The following MDFIC2 variants were observed in gnomAD, a reference collection of about 807,000 sequenced individuals.
MDFIC2 encodes myoD family inhibitor domain-containing protein 2.
chr3:70,215,994 T>TG (rs1701406156), intron 2 of MDFIC2, among the ~76,000 whole-genome samples: 2 of 152,000 alleles, frequency 1.3e-5, no homozygotes, highest in Admixed American at 1.3e-4. Context: ...GAATGCAACA[T>TG]TTGCATTGAT....
At chr3:70,199,181 A>G (rs576477182) in intron 3 of MDFIC2, among the ~76,000 whole-genome samples, 14 of 152,262 alleles carry the variant, frequency 9.2e-5, no homozygotes, top group Admixed American at 2.0e-4. Flanking sequence ...GGAGTTAAGT[A>G]GGGTGGGAAT....
intron 2 of MDFIC2, among the ~76,000 whole-genome samples, chr3:70,286,047 A>C (rs1702159663): frequency 6.6e-6 from 1 of 151,984 alleles, no homozygotes; most frequent in African/African-American, 2.4e-5. Context: ...TGCTGTGCAG[A>C]AGCTCTTTAG....
chr3:70,200,334 C>T (rs1277918859), intron 3 of MDFIC2, among the ~76,000 whole-genome samples: 1 of 152,180 alleles, frequency 6.6e-6, no homozygotes, highest in African/African-American at 2.4e-5. Flanking sequence ...TTGCCTTAGC[C>T]TACAAGCCCT....
At chr3:70,201,091 T>C (rs976758088) in intron 3 of MDFIC2, among the ~76,000 whole-genome samples, 1 of 152,164 alleles carries the variant, frequency 6.6e-6, no homozygotes, top group African/African-American at 2.4e-5. Flanking sequence ...TGTGCTGGTT[T>C]GCTACATAGG....
rs565613023 is a variant in MDFIC2 at position 70,263,276 on chromosome 3, G to A, written c.88+48610C>T. ...GGTATTATAAATTTTATGTTATCGA[G>A]TGCTGGTTTTTAAAAAAATATTCTT... is the stretch of plus-strand genomic sequence containing the variant. On this transcript the variant is annotated intron_variant, in intron 2 of 3. Transcript: ENST00000567252. Among the ~76,000 whole-genome samples the A allele has an allele frequency of 2.0e-5, 3 of 151,838 alleles. No individual in the cohort carries two copies. In the South Asian group the frequency reaches 6.2e-4, roughly 32 times the overall value.
At chr3:70,217,025 C>T (rs1449461412) in intron 2 of MDFIC2, among the ~76,000 whole-genome samples, 1 of 152,144 alleles carries the variant, frequency 6.6e-6, no homozygotes, top group Non-Finnish European at 1.5e-5. Flanking sequence ...ATTGCTATCA[C>T]ATCACTCTTT....
chr3:70,250,938 A>G (rs1384434543), intron 2 of MDFIC2, among the ~76,000 whole-genome samples: 4 of 152,244 alleles, frequency 2.6e-5, no homozygotes, highest in African/African-American at 9.6e-5. Flanking sequence ...AATTTAATCT[A>G]TTTAGAGAAA....
chr3:70,284,799 A>G (rs532397177), intron 2 of MDFIC2, among the ~76,000 whole-genome samples: 8 of 152,076 alleles, frequency 5.3e-5, no homozygotes, highest in Non-Finnish European at 1.2e-4. Flanking sequence ...AATGGGTACT[A>G]GTCTTAAAAC....
In MDFIC2 at chr3:70,306,228, C is replaced by T. The variant is rs532189838; in HGVS notation, c.88+5658G>A. Among the ~76,000 whole-genome samples, 7 of 152,236 alleles carry T rather than the reference C, an allele frequency of 4.6e-5. No individual in the cohort carries two copies. The South Asian group carries it at 1.4e-3, about 32-fold the overall frequency. On this transcript the variant is annotated intron_variant, in intron 2 of 3. Coordinates refer to ENST00000567252, the MANE Select transcript of MDFIC2 (RefSeq NM_001364677.1). ...AAGTGATTCTCCTGCCTCAGACTCCCGAGTAGCTGGGATTACAGGCACTCG... is the reference window on the plus strand; with the variant it reads ...AAGTGATTCTCCTGCCTCAGACTCCTGAGTAGCTGGGATTACAGGCACTCG...
At chr3:70,265,519 T>A (rs887659857) in intron 2 of MDFIC2, among the ~76,000 whole-genome samples, 1 of 149,342 alleles carries the variant, frequency 6.7e-6, no homozygotes, top group Non-Finnish European at 1.5e-5. Flanking sequence ...AACACACAAG[T>A]TCATGAGCGA....
rs78189562 is a variant in MDFIC2, at chr3:70,221,393, C to T, written c.89-14603G>A. Among the ~76,000 whole-genome samples the T allele has an allele frequency of 1.9e-3, 284 of 152,136 alleles. 2 individuals carry two copies. The East Asian group carries it at 0.019, about 10-fold the overall frequency. ...GAGAATACATCTTAGAGAAGAAGGGCGCTGTGCCTTATTCATTGCTTTTTT... is the reference window on the plus strand; with the variant it reads ...GAGAATACATCTTAGAGAAGAAGGGTGCTGTGCCTTATTCATTGCTTTTTT... On this transcript the variant is annotated intron_variant, in intron 2 of 3. Coordinates refer to ENST00000567252, the MANE Select transcript of MDFIC2 (RefSeq NM_001364677.1).
At chr3:70,223,304 CT>C (rs1701476405) in intron 2 of MDFIC2, among the ~76,000 whole-genome samples, 3 of 152,032 alleles carry the variant, frequency 2.0e-5, no homozygotes, top group South Asian at 2.1e-4. Flanking sequence ...ACTCAACTCA[CT>C]TTTTTTTCTG....
At chr3:70,276,723 C>G (rs556989593) in intron 2 of MDFIC2, among the ~76,000 whole-genome samples, 1 of 152,282 alleles carries the variant, frequency 6.6e-6, no homozygotes, top group African/African-American at 2.4e-5. Context: ...CAGCCATGCT[C>G]ATTAATTTAT....
chr3:70,295,742 A>G (rs1490262941), intron 2 of MDFIC2, among the ~76,000 whole-genome samples: 1 of 152,194 alleles, frequency 6.6e-6, no homozygotes, highest in Non-Finnish European at 1.5e-5. Flanking sequence ...AAATATTTTA[A>G]AGTGCTGTAT....
intron 2 of MDFIC2, among the ~76,000 whole-genome samples, chr3:70,244,600 C>G (rs981628517): frequency 6.6e-6 from 1 of 151,862 alleles, no homozygotes; most frequent in African/African-American, 2.4e-5. Flanking sequence ...TAAAATGAAA[C>G]TGACACAAAC....
At chr3:70,245,556 C>A (rs895850266) in intron 2 of MDFIC2, among the ~76,000 whole-genome samples, 3 of 150,552 alleles carry the variant, frequency 2.0e-5, no homozygotes, top group Admixed American at 1.3e-4. Flanking sequence ...TGATGCCAAC[C>A]TTAACTAGTA....
At chr3:70,220,397 C>T (rs1440901024) in intron 2 of MDFIC2, among the ~76,000 whole-genome samples, 1 of 151,890 alleles carries the variant, frequency 6.6e-6, no homozygotes, top group Non-Finnish European at 1.5e-5. Context: ...TATGATGGCA[C>T]CACTCCACTC....
At chr3:70,258,405 A>T (rs1304302240) in intron 2 of MDFIC2, among the ~76,000 whole-genome samples, 1 of 152,186 alleles carries the variant, frequency 6.6e-6, no homozygotes, top group Non-Finnish European at 1.5e-5. Context: ...ACTTCAATTG[A>T]GAATACAGAA....
At chr3:70,301,847 T>G (rs1702351522) in intron 2 of MDFIC2, among the ~76,000 whole-genome samples, 1 of 152,094 alleles carries the variant, frequency 6.6e-6, no homozygotes, top group Non-Finnish European at 1.5e-5. Flanking sequence ...TAATTTTCTA[T>G]CTATAATGCT....
Sources: allele counts gnomAD v4.1 joint callset (sites outside exome capture counted in the v4.1 genomes callset), GRCh38; gene constraint gnomAD v4.1.1; transcripts MANE v1.5; gene names NCBI Gene and HGNC (gene_info 2026-07-23, HGNC 2026-07-21).